BCAS3: variants seen among roughly 807,000 people sequenced by gnomAD.
BCAS3 encodes BCAS4/BCAS3 fusion.
Under a neutral mutation model 116.1 loss-of-function variants are expected in BCAS3, and 53 were observed. The observed-to-expected ratio is 0.46, with a 90% CI of 0.37 to 0.57. The LOEUF (loss-of-function observed/expected upper bound fraction) is 0.57, where lower values mean the gene tolerates loss of function less well. Among genes scored for constraint, BCAS3 ranks in the 20% least tolerant of loss-of-function variants. The probability of loss-of-function intolerance (pLI) is 0.00; values close to 1 mark genes in which losing one functional copy is unlikely to be tolerated. For synonymous variants in BCAS3, 391 were observed against 408.2 expected (o/e 0.96, Z 0.51); for missense variants, 917 against 1,165.4 (o/e 0.79, Z 3.10).
intron 6 of BCAS3, among the ~76,000 whole-genome samples, chr17:60,794,886 G>C (rs2047079096): frequency 1.3e-5 from 2 of 152,068 alleles, no homozygotes; most frequent in Admixed American, 1.3e-4. Flanking sequence ...GGCTATATGG[G>C]CTCTTTTTTG....
chr17:60,779,968 A>G lies in BCAS3; in HGVS notation c.404-28036A>G, dbSNP rs555247021. On this transcript the variant is annotated intron_variant, in intron 6 of 23. Coordinates refer to ENST00000407086, the MANE Select transcript of BCAS3 (RefSeq NM_017679.5). ...AATATTTTTGGGAAAATATTCAAAT[A>G]TCTAAAAAACTTTACTATTTTTAAT... Among the ~76,000 whole-genome samples the G allele has an allele frequency of 5.3e-5, 8 of 152,116 alleles. 1 individual carries two copies. The South Asian group carries it at 1.2e-3, about 24-fold the overall frequency.
chr17:60,794,918 TG>T (rs1193615843), intron 6 of BCAS3, among the ~76,000 whole-genome samples: 1 of 152,168 alleles, frequency 6.6e-6, no homozygotes, highest in Non-Finnish European at 1.5e-5. Context: ...ATTTTAGAAT[TG>T]TTTTTTCTAA....
chr17:61,207,318 G>A (rs2081203896), intron 22 of BCAS3, among the ~76,000 whole-genome samples: 1 of 152,086 alleles, frequency 6.6e-6, no homozygotes, highest in South Asian at 2.1e-4. Flanking sequence ...TACTGTCTGT[G>A]TATTAATATT....
intron 6 of BCAS3, among the ~76,000 whole-genome samples, chr17:60,775,315 T>C (rs1202166905): frequency 2.0e-5 from 3 of 152,172 alleles, no homozygotes; most frequent in Non-Finnish European, 2.9e-5. Flanking sequence ...AAAGGAGTCT[T>C]AAACTTTCCT....
intron 17 of BCAS3, among the ~76,000 whole-genome samples, chr17:61,036,850 AAAG>A (rs1256565212): frequency 2.6e-5 from 4 of 152,182 alleles, no homozygotes; most frequent in Non-Finnish European, 4.4e-5. Context: ...CCATGGAGAG[AAAG>A]AAGAGGATTT....
At chr17:60,933,308 A>G (rs1009706138) in intron 13 of BCAS3, among the ~76,000 whole-genome samples, 9 of 152,264 alleles carry the variant, frequency 5.9e-5, no homozygotes, top group Admixed American at 5.2e-4. Context: ...GAAATCCTCA[A>G]TTCTGTGCAA....
intron 14 of BCAS3, among the ~76,000 whole-genome samples, chr17:60,985,141 CTT>C (rs560277871): frequency 0.21 from 24,684 of 118,878 alleles, 1,959 homozygotes; most frequent in African/African-American, 0.42. Context: ...CAACTGTATT[CTT>C]TTTTTTTTTT....
chr17:60,949,167 G>T lies in BCAS3; in HGVS notation c.1221+1815G>T, dbSNP rs537189514. ...TGGGATTATAGACGTGAGCCACCGC[G>T]CCCAGCCTCACGGAAATATTCTAAC... On this transcript the variant is annotated intron_variant, in intron 14 of 23. Coordinates refer to ENST00000407086, the MANE Select transcript of BCAS3 (RefSeq NM_017679.5). 1.6e-4 allele frequency among the ~76,000 whole-genome samples: 25 copies of T among 152,246 alleles called. No homozygotes were observed. The South Asian group carries it at 5.2e-3, about 32-fold the overall frequency.
intron 22 of BCAS3, among the ~76,000 whole-genome samples, chr17:61,173,449 C>A (rs377062426): frequency 2.7e-3 from 368 of 137,952 alleles, no homozygotes; most frequent in Middle Eastern, 3.5e-3. Context: ...ACTCTGTCTC[C>A]AAAAAAAAAA....
chr17:60,682,854 C>A (rs2033389188), intron 2 of BCAS3, among the ~76,000 whole-genome samples: 2 of 152,092 alleles, frequency 1.3e-5, no homozygotes, highest in African/African-American at 4.8e-5. Flanking sequence ...TGTTTTTTTC[C>A]ACTTGCTGAA....
intron 22 of BCAS3, among the ~76,000 whole-genome samples, chr17:61,268,149 G>T (rs1181244191): frequency 1.3e-5 from 2 of 152,024 alleles, no homozygotes; most frequent in Non-Finnish European, 2.9e-5. Context: ...TGTCTGTTTT[G>T]CATTTGTCAT....
chr17:60,940,040 A>T (rs751092521), intron 13 of BCAS3, among the ~76,000 whole-genome samples: 6 of 152,226 alleles, frequency 3.9e-5, no homozygotes, highest in Non-Finnish European at 7.3e-5. Context: ...TCAAAGAGAA[A>T]GAAAATAATT....
At chr17:61,223,636 A>G (rs779232061) in intron 22 of BCAS3, among the ~76,000 whole-genome samples, 21 of 152,176 alleles carry the variant, frequency 1.4e-4, no homozygotes, top group Non-Finnish European at 2.5e-4. Context: ...TAACTAGCTA[A>G]AAGATATCTT....
At chr17:61,221,032 A>G (rs1193677641) in intron 22 of BCAS3, among the ~76,000 whole-genome samples, 1 of 152,182 alleles carries the variant, frequency 6.6e-6, no homozygotes, top group Non-Finnish European at 1.5e-5. Flanking sequence ...CCCGGGAGGC[A>G]GAGCTCGCAG....
rs1480531072 is a variant in BCAS3 at position 61,208,580 on chromosome 17, G to A, written c.2425+124016G>A. 6.6e-6 allele frequency among the ~76,000 whole-genome samples: 1 copy of A among 152,112 alleles called. No individual in the cohort carries two copies. The highest frequency in any genetic ancestry group is 2.4e-5 in the African/African-American group (1 of 41,412). ...GAGAGAGGGAGAAACAAAGCACGTG[G>A]TCATCCCAAATGCTAATATCAGAGA... On this transcript the variant is annotated intron_variant, in intron 22 of 23. Coordinates refer to ENST00000407086, the MANE Select transcript of BCAS3 (RefSeq NM_017679.5). This position sits in a 1 kb window ranked among gnomAD's most constrained non-coding sequence, Gnocchi z 4.5.
chr17:60,868,802 C>T (rs1253337057), intron 8 of BCAS3, 119 bp downstream of exon 8: 6 of 547,856 alleles, frequency 1.1e-5, no homozygotes, highest in African/African-American at 2.0e-5. Flanking sequence ...CAAGGAAACA[C>T]CTTCTGAATT....
intron 5 of BCAS3, among the ~76,000 whole-genome samples, chr17:60,713,692 G>A (rs2038202967): frequency 6.6e-6 from 1 of 152,188 alleles, no homozygotes; most frequent in Non-Finnish European, 1.5e-5. Context: ...AAGTATATGA[G>A]AGAATGTGTA....
rs55736464 is a variant in BCAS3, at chr17:61,070,366, A to AAT, written c.2030-4521_2030-4520dup. The AAT allele has an allele frequency of 2.9e-3, 900 of 313,988 alleles. 32 individuals carry two copies. Among genetic ancestry groups the AAT allele is most frequent in the East Asian group, 6.7e-3 (73 of 10,934 alleles). The allele number at this position is 313,988 out of a possible 1,614,324, so 19.5% of individuals were successfully genotyped here. On this transcript the variant is annotated intron_variant, in intron 19 of 23. Transcript: ENST00000407086. ...AACTGAGTCCAGCTGCCTAATTCTGAATATATATATATATATATATATATA... is the reference window on the plus strand; with the variant it reads ...AACTGAGTCCAGCTGCCTAATTCTGAATATATATATATATATATATATATATA...
intron 6 of BCAS3, among the ~76,000 whole-genome samples, chr17:60,753,843 C>T (rs1046884955): frequency 6.6e-6 from 1 of 152,026 alleles, no homozygotes; most frequent in African/African-American, 2.4e-5. Context: ...ATAATCTTAG[C>T]TTTTTGGAAT....
Sources: allele counts gnomAD v4.1 joint callset (sites outside exome capture counted in the v4.1 genomes callset), GRCh38; gene constraint gnomAD v4.1.1; non-coding constraint Gnocchi (gnomAD v3.1); transcripts MANE v1.5; gene names NCBI Gene and HGNC (gene_info 2026-07-23, HGNC 2026-07-21).